Variants in MBD4 observed in about 807,000 individuals in gnomAD.
MBD4 encodes methyl-CpG binding domain 4, DNA glycosylase, also known as methyl-CpG-binding domain protein 4.
A neutral mutation model predicts 60.2 loss-of-function variants in MBD4; 53 were observed. The ratio of observed to expected loss-of-function variants is 0.88; its 90% CI spans 0.71 to 1.11. MBD4 has a LOEUF of 1.11. Among genes scored for constraint, MBD4 ranks in the 50% least tolerant of loss-of-function variants. The pLI, the probability that MBD4 is intolerant of heterozygous loss-of-function variation, is 0.00. For synonymous variants in MBD4, 231 were observed against 229.8 expected (o/e 1.01, Z -0.05); for missense variants, 619 against 674.0 (o/e 0.92, Z 0.90).
intron 4 of MBD4, 25 bp downstream of exon 4, chr3:129,434,037 G>C: frequency 6.2e-7 from 1 of 1,614,054 alleles, no homozygotes; most frequent in Non-Finnish European, 8.5e-7. Flanking sequence ...ATTAGAATTT[G>C]CTGTTCTGAT....
At chr3:129,439,695 G>C (rs1313766692) in intron 1 of MBD4, 35 bp downstream of exon 1, 3 of 1,268,652 alleles carry the variant, frequency 2.4e-6, no homozygotes, top group Non-Finnish European at 3.4e-6. Context: ...TTTACAGGTG[G>C]TGAAACTGAG....
chr3:129,434,351 T>TTCTCTGTGCCTCAATGTCCTTATCTGTA (rs1460462031), intron 3 of MBD4, among the ~76,000 whole-genome samples: 1 of 152,202 alleles, frequency 6.6e-6, no homozygotes, highest in Non-Finnish European at 1.5e-5. Context: ...ACAGAGAAGC[T>TTCTCTGTGCCTCAATGTCCTTATCTGTA]AAGTAACTTG....
chr3:129,434,484 T>C (rs969375784), intron 3 of MBD4, among the ~76,000 whole-genome samples: 8 of 152,256 alleles, frequency 5.3e-5, no homozygotes, highest in African/African-American at 1.9e-4. Context: ...TCAGAGTTTA[T>C]AGTATTGAAA....
chr3:129,436,264 T>C lies in MBD4; in HGVS notation c.1183+197A>G, dbSNP rs3138342. On this transcript the variant is annotated intron_variant, in intron 3 of 7. Transcript: ENST00000429544. ...CAGTCAGCCGATTTTCTCTCTGCCA[T>C]AGGAAACTGCTTGAATATCAGTTTA... Among the ~76,000 whole-genome samples, 102 of 152,320 alleles carry C rather than the reference T, an allele frequency of 6.7e-4. 1 individual carries two copies. The East Asian group carries it at 0.018, about 27-fold the overall frequency.
chr3:129,436,393 A>C lies in MBD4; in HGVS notation c.1183+68T>G, dbSNP rs3138341. 2.8e-3 allele frequency: 4,519 copies of C among 1,592,636 alleles called. 86 individuals carry two copies. The African/African-American group carries it at 0.046, about 16-fold the overall frequency. On this transcript the variant is annotated intron_variant, in intron 3 of 7. Coordinates refer to ENST00000429544, the MANE Select transcript of MBD4 (RefSeq NM_001276270.2). ...GGGCACGAATACAAGATGCAGCATT[A>C]TAAATTTCTCATCACATAATGTTTA...
chr3:129,434,352 A>G (rs906847704), intron 3 of MBD4, among the ~76,000 whole-genome samples: 3 of 152,204 alleles, frequency 2.0e-5, no homozygotes, highest in African/African-American at 4.8e-5. Context: ...CAGAGAAGCT[A>G]AGTAACTTGC....
At chr3:129,438,321 G>A (rs1403949176) in intron 1 of MBD4, among the ~76,000 whole-genome samples, 1 of 152,172 alleles carries the variant, frequency 6.6e-6, no homozygotes, top group Non-Finnish European at 1.5e-5. Context: ...AAATCAGTGA[G>A]TTACACTGTC....
chr3:129,431,706 A>C (rs965323769), intron 7 of MBD4, 128 bp from the exon 8 acceptor site: 1 of 717,734 alleles, frequency 1.4e-6, no homozygotes, highest in Non-Finnish European at 2.5e-6. Flanking sequence ...TAAAAGTTAT[A>C]ACCTTTAACC....
chr3:129,431,719 C>T, intron 7 of MBD4, 141 bp from the exon 8 acceptor site: 1 of 691,268 alleles, frequency 1.4e-6, no homozygotes, highest in South Asian at 1.5e-5. Flanking sequence ...CTTTAACCTC[C>T]TGGGATTCAT....
intron 3 of MBD4, 133 bp from the exon 4 acceptor site, chr3:129,434,269 A>G: frequency 1.4e-6 from 1 of 738,388 alleles, no homozygotes; most frequent in South Asian, 1.5e-5. Flanking sequence ...ATAAATACCC[A>G]ATTAATCTAA....
chr3:129,436,897 T>A lies in MBD4; in HGVS notation c.747A>T (p.Gly249=). ...KGIPIKKTKK[G]CRKSCSGFVQ... ...CAAAACCTGAACAGCTCTTCCTACATCCTTTTTTAGTTTTCTTAATTGGGA... is the reference window on the plus strand; with the variant it reads ...CAAAACCTGAACAGCTCTTCCTACAACCTTTTTTAGTTTTCTTAATTGGGA... Residue 249 remains glycine (G), a synonymous_variant, in exon 3 of 8, where the codon GGA becomes GGT. Coordinates refer to ENST00000429544, the MANE Select transcript of MBD4 (RefSeq NM_001276270.2). 3.7e-6 allele frequency: 6 copies of A among 1,614,166 alleles called. 1 individual carries two copies. Among genetic ancestry groups the A allele is most frequent in the Middle Eastern group, 3.3e-4 (2 of 6,062 alleles).
chr3:129,436,858 G>A lies in MBD4; in HGVS notation c.786C>T (p.Ser262=), dbSNP rs1484883910. The part of the protein sequence containing the change: ...KSCSGFVQSD[S]KRESVCNKAD... ...CTTTATTACACACAGATTCTCTTTT[G>A]CTATCACTTTGAACAAAACCTGAAC... The change falls in exon 3 of 8, where the codon AGC becomes AGT. Residue 262 remains serine (S), a synonymous_variant. Transcript: ENST00000429544. 6.2e-7 allele frequency: 1 copy of A among 1,614,000 alleles called. No homozygotes were observed. Among genetic ancestry groups the A allele is most frequent in the Non-Finnish European group, 8.5e-7 (1 of 1,179,984 alleles).
chr3:129,438,599 C>T (rs1029096772), intron 1 of MBD4, among the ~76,000 whole-genome samples: 9 of 151,976 alleles, frequency 5.9e-5, no homozygotes, highest in African/African-American at 2.2e-4. Flanking sequence ...AATACTTCTC[C>T]CCCATACTGT....
At position 129,439,882 on chromosome 3, in the gene MBD4, G is replaced by T. The variant is rs754443733; in HGVS notation, c.-49C>A. On this transcript the variant is annotated 5_prime_UTR_variant, in exon 1 of 8. Transcript: ENST00000429544. ...CGAGCCCAGCGCCGCAACGCCCAGG[G>T]TGTGGGGCGGAGTAAGATGTGAAAC... 15 of 1,277,308 alleles carry T rather than the reference G, an allele frequency of 1.2e-5. No individual in the cohort carries two copies. In the African/African-American group the frequency reaches 2.0e-4, roughly 17 times the overall value. 79.1% of individuals were successfully genotyped at this position (1,277,308 alleles called of 1,614,324 possible). A position where few individuals can be genotyped will look rare whatever the true frequency, so the allele number is the denominator to read the frequency against.
Position 129,439,920 on chromosome 3 carries a change from C to T in MBD4, c.-87G>A. On this transcript the variant is annotated 5_prime_UTR_variant, in exon 1 of 8. It adds an upstream start codon to the 5' untranslated region. Coordinates refer to ENST00000429544, the MANE Select transcript of MBD4 (RefSeq NM_001276270.2). The stretch of plus-strand genomic sequence containing the variant: ...TAAGATGTGAAACCTCTTCAGCTCA[C>T]GGCACCGGGCTGCAACCGAGGTCTG... 4.2e-6 allele frequency: 4 copies of T among 959,360 alleles called. No individual in the cohort carries two copies. The highest frequency in any genetic ancestry group is 6.6e-6 in the Non-Finnish European group (4 of 605,752). The allele number at this position is 959,360 out of a possible 1,614,324, so 59.4% of individuals were successfully genotyped here. A position where few individuals can be genotyped will look rare whatever the true frequency, so the allele number is the denominator to read the frequency against.
chr3:129,435,227 T>TA (rs58148870), intron 3 of MBD4, among the ~76,000 whole-genome samples: 2,224 of 142,888 alleles, frequency 0.016, 34 homozygotes, highest in Non-Finnish European at 0.023. Context: ...CAGTAGAGAG[T>TA]AAAAAAAAAA....
Position 129,432,518 on chromosome 3 carries a change from G to A in MBD4, c.1632C>T (p.Val544=), listed in dbSNP as rs1254942921. Residue 544 remains valine, a synonymous_variant, in exon 7 of 8, where the codon GTC becomes GTT. Transcript: ENST00000429544. ...YGNDSYRIFC[V]NEWKQVHPED... ...TGAGCCTCACCTGCTTCCACTCATT[G>A]ACACAAAAAATTCGGTAAGAGTCGT... The A allele has an allele frequency of 1.2e-6, 2 of 1,614,206 alleles. No homozygotes were observed. Among genetic ancestry groups the A allele is most frequent in the South Asian group, 1.1e-5 (1 of 91,082 alleles).
chr3:129,433,332 C>T (rs975721408), intron 5 of MBD4, 85 bp from the exon 6 acceptor site: 3 of 1,458,450 alleles, frequency 2.1e-6, no homozygotes, highest in Non-Finnish European at 2.8e-6. Flanking sequence ...AAATCTCATC[C>T]AGAGGGTTTT....
Position 129,436,942 on chromosome 3 carries a change from C to G in MBD4, c.702G>C (p.Lys234Asn). The G allele has an allele frequency of 6.2e-7, 1 of 1,614,126 alleles. No individual in the cohort carries two copies. Among genetic ancestry groups the G allele is most frequent in the South Asian group, 1.1e-5 (1 of 91,084 alleles). ...TTGGGATTCCTTTCAAAATAGTCAC[C>G]TTTCCTTTGGGCTTTCTAACCTTTC... ...NFRKVRKPKG[K>N]VTILKGIPIK... The change falls in exon 3 of 8, where the codon AAG becomes AAC. Residue 234 changes from lysine (K) to asparagine (N), a missense_variant. Coordinates refer to ENST00000429544, the MANE Select transcript of MBD4 (RefSeq NM_001276270.2).
Sources: gnomAD v4.1 joint callset for allele counts (sites outside exome capture counted in the v4.1 genomes callset) on GRCh38, gnomAD v4.1.1 for gene constraint, MANE v1.5 for transcripts, NCBI Gene and HGNC (gene_info 2026-07-23, HGNC 2026-07-21) for gene names.